The following MYOF variants were observed in gnomAD, a reference collection of about 807,000 sequenced individuals.
The protein encoded by MYOF is myoferlin.
A neutral mutation model predicts 284.2 loss-of-function variants in MYOF; 244 were observed. The ratio of observed to expected loss-of-function variants is 0.86; its 90% CI spans 0.77 to 0.95. The LOEUF (loss-of-function observed/expected upper bound fraction) is 0.95. Ranked by LOEUF, MYOF falls within the 40% of genes least tolerant of loss-of-function variation. The pLI is 0.00. For missense variants in MYOF, 2,496 were observed against 2,560.6 expected (o/e 0.97, Z 0.54); for synonymous variants, 904 against 919.7 (o/e 0.98, Z 0.31).
chr10:93,306,989 T>C lies in MYOF; in HGVS notation c.6160A>G (p.Met2054Val), dbSNP rs1032557203. 1.2e-6 allele frequency: 2 copies of C among 1,613,112 alleles called. No individual in the cohort carries two copies. Among genetic ancestry groups the C allele is most frequent in the Non-Finnish European group, 1.7e-6 (2 of 1,179,380 alleles). The change falls in exon 54 of 54, where the codon ATG becomes GTG. Residue 2054 changes from methionine (M) to valine (V), a missense_variant. Met to Val is a conservative substitution (Grantham distance 21). This residue lies in a region of MYOF where 2,436 missense variants were observed against 2,480.7 expected (regional missense o/e 0.98). Transcript: ENST00000359263. ...LLYSLPNYLS[M>V]KIVKPNV The stretch of plus-strand genomic sequence containing the variant: ...TACACATTTGGCTTTACAATCTTCA[T>C]TGACAAATAGTTCTGGAAAGGAAAC...
intron 26 of MYOF, among the ~76,000 whole-genome samples, chr10:93,364,676 AATTTTCCTCTTGG>A (rs1308672822): frequency 2.0e-5 from 3 of 152,134 alleles, no homozygotes; most frequent in Non-Finnish European, 4.4e-5. Context: ...CTGCCATGTT[AATTTTCCTCTTGG>A]ATTTGGAATT....
intron 3 of MYOF, 30 bp downstream of exon 3, chr10:93,452,020 A>T: frequency 6.7e-7 from 1 of 1,492,464 alleles, no homozygotes; most frequent in Non-Finnish European, 9.2e-7. Flanking sequence ...GTAATACCTA[A>T]AATGAGAAAA....
At chr10:93,439,992 A>T (rs779974019) in intron 3 of MYOF, among the ~76,000 whole-genome samples, 2 of 152,202 alleles carry the variant, frequency 1.3e-5, no homozygotes, top group Non-Finnish European at 2.9e-5. Flanking sequence ...ATATACCACA[A>T]ATCCTTTTGG....
intron 25 of MYOF, among the ~76,000 whole-genome samples, chr10:93,367,035 T>C (rs1845358394): frequency 6.6e-6 from 1 of 152,206 alleles, no homozygotes; most frequent in Non-Finnish European, 1.5e-5. Flanking sequence ...CAATATACAA[T>C]TAATGTTGCC....
intron 29 of MYOF, 118 bp downstream of exon 29, chr10:93,359,715 G>A (rs1844977995): frequency 7.4e-7 from 1 of 1,354,534 alleles, no homozygotes; most frequent in Non-Finnish European, 1.0e-6. Context: ...GAACCCTTGA[G>A]TGGAGTGTTA....
intron 5 of MYOF, among the ~76,000 whole-genome samples, chr10:93,422,893 CT>C (rs1243079672): frequency 1.3e-5 from 2 of 152,080 alleles, no homozygotes; most frequent in African/African-American, 4.8e-5. Flanking sequence ...ACTCTTTTTA[CT>C]TGAATGAACC....
chr10:93,329,729 A>G lies in MYOF; in HGVS notation c.4917T>C (p.Ile1639=). 1.9e-6 allele frequency: 3 copies of G among 1,614,260 alleles called. No individual in the cohort carries two copies. The highest frequency in any genetic ancestry group is 2.5e-6 in the Non-Finnish European group (3 of 1,180,042). ...TRDEKVGETI[I]DLENRFLSRF... ...GGGAAAGGAATCGGTTTTCCAGATC[A>G]ATAATTGTTTCTCCTACTTTTTCAT... Residue 1639 remains isoleucine (I), a synonymous_variant, in exon 44 of 54, where the codon ATT becomes ATC. Coordinates refer to ENST00000359263, the MANE Select transcript of MYOF (RefSeq NM_013451.4).
At chr10:93,354,552 T>C (rs1844693719) in intron 31 of MYOF, among the ~76,000 whole-genome samples, 1 of 152,160 alleles carries the variant, frequency 6.6e-6, no homozygotes, top group Non-Finnish European at 1.5e-5. Flanking sequence ...CTTTCTATAC[T>C]ACTTCAGCAT....
chr10:93,372,935 G>T lies in MYOF; in HGVS notation c.2452C>A (p.Leu818Met). 1 of 1,614,186 alleles carries T rather than the reference G, an allele frequency of 6.2e-7. No homozygotes were observed. Among genetic ancestry groups the T allele is most frequent in the Non-Finnish European group, 8.5e-7 (1 of 1,180,006 alleles). Residue 818 changes from leucine to methionine, a missense_variant, in exon 24 of 54, where the codon CTG (leucine) becomes ATG (methionine). Around this residue, in one of 3 missense-constraint regions of MYOF, gnomAD observed 2,436 missense variants for 2,480.7 expected, o/e 0.98. Coordinates refer to ENST00000359263, the MANE Select transcript of MYOF (RefSeq NM_013451.4). ...GACACAGTGAAGATATGTACCTTCA[G>T]AAAGATGGTTTGGGTTTTCCCACAG... ...KYCGKTQTIF[L>M]KYPQEKNNGP...
intron 53 of MYOF, among the ~76,000 whole-genome samples, chr10:93,308,627 A>G (rs934406908): frequency 6.6e-6 from 1 of 151,948 alleles, no homozygotes; most frequent in African/African-American, 2.4e-5. Context: ...CGACTGTATA[A>G]TAGTGTACAT....
intron 19 of MYOF, among the ~76,000 whole-genome samples, chr10:93,383,438 G>A (rs917568104): frequency 5.9e-5 from 9 of 152,134 alleles, no homozygotes; most frequent in Non-Finnish European, 1.3e-4. Flanking sequence ...AATGACCTGA[G>A]GAAGCTTTGA....
At chr10:93,412,050 TG>T (rs1462341564) in intron 5 of MYOF, among the ~76,000 whole-genome samples, 3 of 152,314 alleles carry the variant, frequency 2.0e-5, no homozygotes, top group Admixed American at 6.5e-5. Flanking sequence ...ACCCACAGAA[TG>T]TTGTCCTAGA....
chr10:93,326,013 T>C (rs2133782921), intron 45 of MYOF, 48 bp from the exon 46 acceptor site: 1 of 1,611,608 alleles, frequency 6.2e-7, no homozygotes, highest in Non-Finnish European at 8.5e-7. Flanking sequence ...TTGGGAATAG[T>C]TCAGCCAGAT....
At chr10:93,471,150 A>C (rs1212718143) in intron 1 of MYOF, among the ~76,000 whole-genome samples, 2 of 152,106 alleles carry the variant, frequency 1.3e-5, no homozygotes, top group Non-Finnish European at 2.9e-5. Flanking sequence ...ACATTACAAG[A>C]AGTTATGGTT....
At chr10:93,333,694 A>G in intron 42 of MYOF, 64 bp downstream of exon 42, 1 of 1,580,022 alleles carries the variant, frequency 6.3e-7, no homozygotes, top group Non-Finnish European at 8.6e-7. Context: ...GAACATGACA[A>G]TTATTGTGGC....
chr10:93,373,714 T>C (rs1185261448), intron 23 of MYOF, among the ~76,000 whole-genome samples: 3 of 152,158 alleles, frequency 2.0e-5, no homozygotes, highest in African/African-American at 7.2e-5. Flanking sequence ...CCCACAAATA[T>C]ATGACTACCT....
rs201849605 is a variant in MYOF, at chr10:93,310,574, G to C, written c.5959C>G (p.Arg1987Gly). Residue 1987 changes from arginine to glycine, a missense_variant, in exon 52 of 54, where the codon CGG becomes GGG. Transcript: ENST00000359263. ...TTGGGGTTCATGTTGGGTTCGTCCC[G>C]CCCCTTCCCGGCTGGCCTCTCGTCG... The part of the protein sequence containing the change: ...EADERPAGKG[R>G]DEPNMNPKLD... The C allele has an allele frequency of 1.2e-6, 2 of 1,613,728 alleles. No individual in the cohort carries two copies. The highest frequency in any genetic ancestry group is 4.5e-5 in the East Asian group (2 of 44,858).
At chr10:93,359,683 G>T in intron 29 of MYOF, 150 bp downstream of exon 29, 1 of 929,062 alleles carries the variant, frequency 1.1e-6, no homozygotes. Flanking sequence ...TGATATTGCT[G>T]GCTGGGGTGG....
intron 36 of MYOF, among the ~76,000 whole-genome samples, chr10:93,348,288 G>A (rs144017798): frequency 6.6e-6 from 1 of 152,300 alleles, no homozygotes; most frequent in African/African-American, 2.4e-5. Context: ...AACTTCTAAG[G>A]GAAATAACTG....
Sources: allele counts gnomAD v4.1 joint callset (sites outside exome capture counted in the v4.1 genomes callset), GRCh38; gene constraint gnomAD v4.1.1; regional missense constraint gnomAD v4.1.1; transcripts MANE v1.5; gene names NCBI Gene and HGNC (gene_info 2026-07-23, HGNC 2026-07-21).